FMN1: variants seen among roughly 807,000 people sequenced by gnomAD.
FMN1 encodes the protein formin 1, also known as formin-1.
A neutral mutation model predicts 132.4 loss-of-function variants in FMN1; 110 were observed. The observed-to-expected ratio is 0.83, with a 90% CI of 0.71 to 0.97. The LOEUF (loss-of-function observed/expected upper bound fraction) is 0.97. FMN1 is among the 50% of genes least tolerant of loss of function. The probability of loss-of-function intolerance (pLI) is 0.00; values close to 1 mark genes in which losing one functional copy is unlikely to be tolerated. For missense variants in FMN1, 1,792 were observed against 1,705.3 expected (o/e 1.05, Z -0.90); for synonymous variants, 722 against 651.7 (o/e 1.11, Z -1.64).
intron 7 of FMN1, among the ~76,000 whole-genome samples, chr15:33,005,670 A>G (rs1479510185): frequency 1.3e-5 from 2 of 152,162 alleles, no homozygotes; most frequent in Non-Finnish European, 2.9e-5. Flanking sequence ...AGCCCTCGCC[A>G]GGCTGGTCTA....
At chr15:33,037,417 G>A (rs983652527) in intron 6 of FMN1, among the ~76,000 whole-genome samples, 5 of 152,170 alleles carry the variant, frequency 3.3e-5, no homozygotes, top group Non-Finnish European at 1.5e-5. Flanking sequence ...AGCCTGTATA[G>A]ACTGGGGCTG....
rs570592409 is a variant in FMN1 at position 32,874,377 on chromosome 15, T to C, written c.3835+13795A>G. ...CAGCTTAAACACTCAACTTTGGGAT[T>C]TGGTGGAGTTAGGAAAAGGTATGTC... On this transcript the variant is annotated intron_variant, in intron 16 of 20. Transcript: ENST00000616417. Among the ~76,000 whole-genome samples the C allele has an allele frequency of 2.4e-3, 358 of 152,160 alleles. 1 individual carries two copies. Among genetic ancestry groups the C allele is most frequent in the Non-Finnish European group, 3.9e-3 (267 of 67,992 alleles).
intron 4 of FMN1, among the ~76,000 whole-genome samples, chr15:33,133,465 G>C (rs1390848211): frequency 6.6e-6 from 1 of 152,210 alleles, no homozygotes; most frequent in Non-Finnish European, 1.5e-5. Context: ...AACTGTAGAA[G>C]AAAGAGCATT....
intron 7 of FMN1, among the ~76,000 whole-genome samples, chr15:33,006,877 G>A (rs1364193213): frequency 1.3e-5 from 2 of 152,066 alleles, no homozygotes; most frequent in Admixed American, 6.6e-5. Context: ...GGTTACCAGG[G>A]GCTAGGGGCA....
chr15:32,954,350 C>T lies in FMN1; in HGVS notation c.3138+9757G>A, dbSNP rs757898270. On this transcript the variant is annotated intron_variant, in intron 9 of 20. Coordinates refer to ENST00000616417, the MANE Select transcript of FMN1 (RefSeq NM_001277313.2). ...CCATCTGATTAGGCCTGGATCTGAGCGCTAAGATATTGCTCAATGTGTAAT... is the reference window on the plus strand; with the variant it reads ...CCATCTGATTAGGCCTGGATCTGAGTGCTAAGATATTGCTCAATGTGTAAT... 2.6e-5 allele frequency among the ~76,000 whole-genome samples: 4 copies of T among 152,138 alleles called. No homozygotes were observed. In the East Asian group the frequency reaches 7.7e-4, roughly 29 times the overall value.
intron 7 of FMN1, among the ~76,000 whole-genome samples, chr15:32,980,624 A>G (rs1469605135): frequency 4.6e-4 from 70 of 152,064 alleles, no homozygotes; most frequent in Non-Finnish European, 1.3e-4. Flanking sequence ...GTTTTGTTTT[A>G]TTTCAGTCTT....
At chr15:33,038,050 C>T (rs2036266011) in intron 6 of FMN1, among the ~76,000 whole-genome samples, 1 of 152,158 alleles carries the variant, frequency 6.6e-6, no homozygotes, top group Non-Finnish European at 1.5e-5. Context: ...CGGTAAAACC[C>T]CATCTCTACT....
At chr15:33,066,646 G>A (rs751585877) in intron 5 of FMN1, 22 of 1,613,606 alleles carry the variant, frequency 1.4e-5, no homozygotes, top group Non-Finnish European at 1.7e-5. Context: ...TCCCCTTTCT[G>A]GGGGGCCGGA....
At chr15:33,122,550 A>T (rs140785616) in intron 4 of FMN1, among the ~76,000 whole-genome samples, 1 of 152,230 alleles carries the variant, frequency 6.6e-6, no homozygotes, top group African/African-American at 2.4e-5. Flanking sequence ...CAGGATAAAC[A>T]ACCAGGCCAA....
At position 32,768,154 on chromosome 15, in the gene FMN1, G is replaced by T. The variant is rs2056109207; in HGVS notation, c.*6156C>A. On this transcript the variant is annotated 3_prime_UTR_variant, in exon 21 of 21. Transcript: ENST00000616417. Reference sequence around the variant, plus strand: ...AAGAAATCTGGAATTCAAAATCCATGCTAAGAGTTTCCAGAGTGTTCATCC... The same window carrying T: ...AAGAAATCTGGAATTCAAAATCCATTCTAAGAGTTTCCAGAGTGTTCATCC... 1 of 152,134 alleles carries T rather than the reference G, an allele frequency of 6.6e-6. No homozygotes were observed. The highest frequency in any genetic ancestry group is 2.4e-5 in the African/African-American group (1 of 41,422). 9.4% of individuals were successfully genotyped at this position (152,134 alleles called of 1,614,324 possible).
At chr15:33,171,897 A>G (rs115605581) in intron 3 of FMN1, among the ~76,000 whole-genome samples, 3,349 of 152,256 alleles carry the variant, frequency 0.022, 135 homozygotes, top group African/African-American at 0.077. Context: ...TATTTCAAAC[A>G]CAATGATTCG....
chr15:32,898,566 G>C (rs866895826), intron 15 of FMN1, among the ~76,000 whole-genome samples: 20 of 152,194 alleles, frequency 1.3e-4, no homozygotes, highest in Middle Eastern at 3.4e-3. Flanking sequence ...TCACAATCTG[G>C]CCATAAAGCA....
chr15:33,046,188 G>C (rs562236796), intron 6 of FMN1, among the ~76,000 whole-genome samples: 1 of 152,016 alleles, frequency 6.6e-6, no homozygotes, highest in African/African-American at 2.4e-5. Context: ...GTCAAAAAAA[G>C]AAAATTGGGA....
chr15:32,882,329 T>C (rs564586232), intron 16 of FMN1, among the ~76,000 whole-genome samples: 1 of 152,316 alleles, frequency 6.6e-6, no homozygotes, highest in Admixed American at 6.5e-5. Flanking sequence ...TAACTTCCAC[T>C]TCCTTACTGT....
chr15:33,165,528 A>C (rs141446146), intron 3 of FMN1, among the ~76,000 whole-genome samples: 5,113 of 152,072 alleles, frequency 0.034, 156 homozygotes, highest in East Asian at 0.13. Context: ...GTAGCTGGGA[A>C]TACAGGCGCC....
intron 6 of FMN1, among the ~76,000 whole-genome samples, chr15:33,018,754 ATGTTCGGATG>A (rs907097728): frequency 5.3e-5 from 8 of 151,858 alleles, no homozygotes; most frequent in African/African-American, 1.2e-4. Context: ...GTTCCCTCTG[ATGTTCGGATG>A]TGTTCGGAGT....
intron 9 of FMN1, among the ~76,000 whole-genome samples, chr15:32,932,290 A>G (rs1004203600): frequency 2.0e-5 from 3 of 152,184 alleles, no homozygotes; most frequent in South Asian, 2.1e-4. Flanking sequence ...AGTCCCAGCT[A>G]CTTGGGAGGC....
intron 17 of FMN1, among the ~76,000 whole-genome samples, chr15:32,837,757 T>C (rs948590151): frequency 3.3e-5 from 5 of 152,204 alleles, no homozygotes; most frequent in South Asian, 2.1e-4. Context: ...GATTCTTCTT[T>C]TTTTCCTCAG....
At chr15:32,992,211 C>T (rs2033477906) in intron 7 of FMN1, among the ~76,000 whole-genome samples, 1 of 152,130 alleles carries the variant, frequency 6.6e-6, no homozygotes, top group African/African-American at 2.4e-5. Flanking sequence ...AATCCAGTTT[C>T]AAGACTGAGC....
Sources: gnomAD v4.1 joint callset for allele counts (sites outside exome capture counted in the v4.1 genomes callset) on GRCh38, gnomAD v4.1.1 for gene constraint, MANE v1.5 for transcripts, NCBI Gene and HGNC (gene_info 2026-07-23, HGNC 2026-07-21) for gene names.